LPGAT1: variants seen among roughly 807,000 people sequenced by gnomAD.
LPGAT1 encodes lysophosphatidylglycerol acyltransferase 1.
LPGAT1 carries 11 observed loss-of-function variants against 47.5 expected under a neutral mutation model. That is an observed-to-expected ratio of 0.23 (90% CI 0.15 to 0.38). The LOEUF (loss-of-function observed/expected upper bound fraction) is 0.38, where lower values mean the gene tolerates loss of function less well. LPGAT1 is among the 10% of genes least tolerant of loss of function. The pLI is 1.00. For missense variants in LPGAT1, 293 were observed against 439.0 expected, an observed-to-expected ratio of 0.67 and a Z score of 2.97; for synonymous variants, 138 against 144.2, an observed-to-expected ratio of 0.96 and a Z score of 0.31.
chr1:211,800,457 T>C (rs1416919441), intron 2 of LPGAT1, among the ~76,000 whole-genome samples: 3 of 152,166 alleles, frequency 2.0e-5, no homozygotes, highest in African/African-American at 7.2e-5. Flanking sequence ...ATTTCAAATA[T>C]CATTAAAATC....
chr1:211,774,390 A>G (rs1658306425), intron 6 of LPGAT1, among the ~76,000 whole-genome samples: 1 of 152,066 alleles, frequency 6.6e-6, no homozygotes, highest in Non-Finnish European at 1.5e-5. Context: ...TGCTGGAATT[A>G]CAGGCATGAG....
chr1:211,818,973 T>C (rs972110399), intron 2 of LPGAT1, among the ~76,000 whole-genome samples: 2 of 152,180 alleles, frequency 1.3e-5, no homozygotes, highest in African/African-American at 4.8e-5. Flanking sequence ...ATTAATTAGA[T>C]GGTAAAATTG....
intron 2 of LPGAT1, among the ~76,000 whole-genome samples, chr1:211,796,975 G>A (rs1407440620): frequency 1.3e-5 from 2 of 152,194 alleles, no homozygotes; most frequent in Non-Finnish European, 2.9e-5. Context: ...AGTGAAGGTG[G>A]TCAGGTGTGG....
rs939434781 is a variant in LPGAT1 at position 211,747,481 on chromosome 1, A to G, written c.*2418T>C. The G allele has an allele frequency of 6.6e-6, 1 of 152,238 alleles. No individual in the cohort carries two copies. Among genetic ancestry groups the G allele is most frequent in the Non-Finnish European group, 1.5e-5 (1 of 68,038 alleles). The allele number at this position is 152,238 out of a possible 1,614,324, so 9.4% of individuals were successfully genotyped here. ...TTTAATGTGTACAGTATATTTAACA[A>G]TATCATGTTCCTTTGGAGCACAGTG... is the stretch of plus-strand genomic sequence containing the variant. On this transcript the variant is annotated 3_prime_UTR_variant, in exon 8 of 8. Transcript: ENST00000366997.
chr1:211,749,938 C>T lies in LPGAT1; in HGVS notation c.1074G>A (p.Trp358Ter), dbSNP rs1657104745. 6.2e-7 allele frequency: 1 copy of T among 1,613,904 alleles called. No individual in the cohort carries two copies. Among genetic ancestry groups the T allele is most frequent in the Non-Finnish European group, 8.5e-7 (1 of 1,179,980 alleles). ...GGTAAAAATACTGAATGATGTTGTA[C>T]CACATATAGCCTGACAAAAATGCAA... ...QSFAFLSGYM[W>*]YNIIQYFYHC... Residue 358 changes from tryptophan (W) to a stop codon, truncating the protein, a stop_gained, in exon 8 of 8, where the codon TGG becomes TGA. Transcript: ENST00000366997. LOFTEE classifies it high-confidence loss of function.
intron 6 of LPGAT1, among the ~76,000 whole-genome samples, chr1:211,761,283 T>A (rs1657687317): frequency 6.6e-6 from 1 of 152,162 alleles, no homozygotes; most frequent in African/African-American, 2.4e-5. Context: ...ATTCTGGTAG[T>A]CTTGGCACCC....
chr1:211,790,656 T>TA (rs1295027235), intron 3 of LPGAT1, among the ~76,000 whole-genome samples: 4 of 151,386 alleles, frequency 2.6e-5, no homozygotes, highest in Admixed American at 6.6e-5. Flanking sequence ...AATCTCAAAA[T>TA]AAAAAAAAAT....
At chr1:211,756,766 T>C (rs541470752) in intron 6 of LPGAT1, among the ~76,000 whole-genome samples, 19 of 152,314 alleles carry the variant, frequency 1.2e-4, no homozygotes, top group African/African-American at 4.3e-4. Context: ...ATTTTTCCTC[T>C]GCATTCTCCA....
chr1:211,829,963 G>C, intron 1 of LPGAT1: 1 of 985,404 alleles, frequency 1.0e-6, no homozygotes, highest in African/African-American at 1.7e-5. Context: ...AAAGAGGAAG[G>C]ACAGGAGTAG....
intron 2 of LPGAT1, among the ~76,000 whole-genome samples, chr1:211,813,748 G>A (rs548485320): frequency 1.3e-5 from 2 of 152,326 alleles, no homozygotes; most frequent in African/African-American, 4.8e-5. Context: ...ATCTGTACAA[G>A]CTTCTTAGCT....
At position 211,784,856 on chromosome 1, in the gene LPGAT1, T is replaced by A. The variant is rs750325777; in HGVS notation, c.454-1354A>T. On this transcript the variant is annotated intron_variant, in intron 4 of 7. Transcript: ENST00000366997. ...TCTCGCTCTGTTGCCCAGGCTGGAGTGCAGTGGTGCGATCTCGGGTCACTG... is the reference window on the plus strand; with the variant it reads ...TCTCGCTCTGTTGCCCAGGCTGGAGAGCAGTGGTGCGATCTCGGGTCACTG... Among the ~76,000 whole-genome samples the A allele has an allele frequency of 2.0e-5, 3 of 148,334 alleles. 1 individual carries two copies. Among genetic ancestry groups the A allele is most frequent in the Non-Finnish European group, 4.4e-5 (3 of 67,578 alleles).
At chr1:211,752,865 T>C (rs1403276665) in intron 6 of LPGAT1, among the ~76,000 whole-genome samples, 4 of 152,228 alleles carry the variant, frequency 2.6e-5, no homozygotes, top group Non-Finnish European at 4.4e-5. Context: ...ATTTGACATA[T>C]TTCTTGAATC....
Position 211,830,203 on chromosome 1 carries a change from G to A in LPGAT1, c.-28+370C>T. ...CTCACCTCGGCGGGCGCGGACGGCG[G>A]GCGGCTGCGGAGAGCGGGGGCGGGT... On this transcript the variant is annotated intron_variant, in intron 1 of 7. Coordinates refer to ENST00000366997, the MANE Select transcript of LPGAT1 (RefSeq NM_014873.3). This position sits in a 1 kb window ranked among gnomAD's most constrained non-coding sequence, Gnocchi z 5.9. 1 of 983,296 alleles carries A rather than the reference G, an allele frequency of 1.0e-6. No individual in the cohort carries two copies. The highest frequency in any genetic ancestry group is 4.7e-5 in the South Asian group (1 of 21,454). 60.9% of individuals were successfully genotyped at this position (983,296 alleles called of 1,614,324 possible). A position where few individuals can be genotyped will look rare whatever the true frequency, so the allele number is the denominator to read the frequency against.
chr1:211,772,487 G>A (rs930849610), intron 6 of LPGAT1, among the ~76,000 whole-genome samples: 3 of 152,102 alleles, frequency 2.0e-5, no homozygotes, highest in Admixed American at 6.6e-5. Flanking sequence ...TTGGAATTAC[G>A]TTAAATTTAT....
At chr1:211,767,171 C>T (rs531376634) in intron 6 of LPGAT1, among the ~76,000 whole-genome samples, 4 of 152,190 alleles carry the variant, frequency 2.6e-5, no homozygotes, top group South Asian at 2.1e-4. Context: ...CATGGTCTCA[C>T]TCTGTCACCC....
At chr1:211,815,767 G>GCTTTT (rs1227129945) in intron 2 of LPGAT1, among the ~76,000 whole-genome samples, 56 of 144,406 alleles carry the variant, frequency 3.9e-4, no homozygotes, top group Non-Finnish European at 4.4e-4. Context: ...CATGACAAAT[G>GCTTTT]CTTTTCTTTT....
intron 6 of LPGAT1, among the ~76,000 whole-genome samples, chr1:211,759,703 GATA>G (rs1368662837): frequency 1.3e-5 from 2 of 152,094 alleles, no homozygotes; most frequent in African/African-American, 4.8e-5. Context: ...ACTTTTGATA[GATA>G]ATATTTTCAT....
chr1:211,753,391 C>T (rs1204753361), intron 6 of LPGAT1, among the ~76,000 whole-genome samples: 1 of 152,098 alleles, frequency 6.6e-6, no homozygotes, highest in Admixed American at 6.5e-5. Flanking sequence ...TTCTGACCTC[C>T]TTTCTGGAAG....
In LPGAT1 at chr1:211,830,297, G is replaced by T. The variant is rs1233371248; in HGVS notation, c.-28+276C>A. 9.4e-7 allele frequency: 1 copy of T among 1,063,528 alleles called. No individual in the cohort carries two copies. Among genetic ancestry groups the T allele is most frequent in the East Asian group, 6.4e-5 (1 of 15,690 alleles). The allele number at this position is 1,063,528 out of a possible 1,614,324, so 65.9% of individuals were successfully genotyped here. A position where few individuals can be genotyped will look rare whatever the true frequency, so the allele number is the denominator to read the frequency against. On this transcript the variant is annotated intron_variant, in intron 1 of 7. Coordinates refer to ENST00000366997, the MANE Select transcript of LPGAT1 (RefSeq NM_014873.3). This position sits in a 1 kb window ranked among gnomAD's most constrained non-coding sequence, Gnocchi z 5.9. ...AAGCGGCCCGAGGCGCTGCGCGAGCGGGCGCGCTGGCGCCCTACTCCCCTC... is the reference window on the plus strand; with the variant it reads ...AAGCGGCCCGAGGCGCTGCGCGAGCTGGCGCGCTGGCGCCCTACTCCCCTC...
Sources: allele counts gnomAD v4.1 joint callset (sites outside exome capture counted in the v4.1 genomes callset), GRCh38; gene constraint gnomAD v4.1.1; non-coding constraint Gnocchi (gnomAD v3.1); transcripts MANE v1.5; gene names NCBI Gene and HGNC (gene_info 2026-07-23, HGNC 2026-07-21).